Variants in OXNAD1 observed in about 807,000 individuals in gnomAD.
OXNAD1 encodes oxidoreductase NAD-binding domain-containing protein 1.
OXNAD1 carries 34 observed loss-of-function variants against 32.9 expected under a neutral mutation model. That is an observed-to-expected ratio of 1.03 (90% CI 0.79 to 1.38). OXNAD1 has a LOEUF of 1.38. OXNAD1 is among the 40% of genes most tolerant of loss of function. The pLI, the probability that OXNAD1 is intolerant of heterozygous loss-of-function variation, is 0.00. For synonymous variants in OXNAD1, 134 were observed against 135.2 expected, an observed-to-expected ratio of 0.99 and a Z score of 0.06; for missense variants, 407 against 379.4, an observed-to-expected ratio of 1.07 and a Z score of -0.60.
Position 16,344,873 on chromosome 3 carries a change from A to AC in OXNAD1, c.*31-4297dup, listed in dbSNP as rs1180304155. 6.6e-6 allele frequency among the ~76,000 whole-genome samples: 1 copy of AC among 151,944 alleles called. No individual in the cohort carries two copies. The highest frequency in any genetic ancestry group is 1.5e-5 in the Non-Finnish European group (1 of 67,976). ...TGAGTGAACACATAACTACAAGAAC[A>AC]CCCCCCAACCTTTTATGCTCACTGA... On this transcript the variant is annotated intron_variant, in intron 9 of 9. Coordinates refer to the OXNAD1 transcript ENST00000606098. The surrounding 1 kb of genome is among the most constrained non-coding windows in gnomAD (Gnocchi z 4.4).
rs1489806512 is a variant in OXNAD1 at position 16,335,916 on chromosome 3, C to A, written c.*31-1196C>A. Among the ~76,000 whole-genome samples, 1 of 152,170 alleles carries A rather than the reference C, an allele frequency of 6.6e-6. No homozygotes were observed. Among genetic ancestry groups the A allele is most frequent in the Non-Finnish European group, 1.5e-5 (1 of 68,028 alleles). ...CAGGACTCCGCAGGAGGGAAGTGGCCGACAGCAAGGACTGGTGGCAGCTGC... is the reference window on the plus strand; with the variant it reads ...CAGGACTCCGCAGGAGGGAAGTGGCAGACAGCAAGGACTGGTGGCAGCTGC... On this transcript the variant is annotated intron_variant, in intron 9 of 9. Coordinates refer to the OXNAD1 transcript ENST00000435829. The surrounding 1 kb of genome is among the most constrained non-coding windows in gnomAD (Gnocchi z 4.7).
chr3:16,278,819 TG>T (rs2065539969), intron 4 of OXNAD1, among the ~76,000 whole-genome samples: 1 of 152,220 alleles, frequency 6.6e-6, no homozygotes, highest in African/African-American at 2.4e-5. Flanking sequence ...CAGATGCCTT[TG>T]GGGATCCTAC....
intron 2 of OXNAD1, among the ~76,000 whole-genome samples, chr3:16,270,598 GA>G (rs2064854137): frequency 6.6e-6 from 1 of 152,294 alleles, no homozygotes; most frequent in Middle Eastern, 3.4e-3. Flanking sequence ...TCTTCAGGTA[GA>G]ATACAATTAT....
At chr3:16,313,878 C>CT (rs1321994807) in intron 9 of OXNAD1, among the ~76,000 whole-genome samples, 33 of 152,280 alleles carry the variant, frequency 2.2e-4, no homozygotes, top group African/African-American at 7.9e-4. Context: ...CACTTCAGAG[C>CT]AATGCACCTG....
Position 16,289,365 on chromosome 3 carries a change from T to C in OXNAD1, c.290+2917T>C, listed in dbSNP as rs1245883134. On this transcript the variant is annotated intron_variant, in intron 5 of 8. Coordinates refer to ENST00000285083, the MANE Select transcript of OXNAD1 (RefSeq NM_138381.5). This position sits in a 1 kb window ranked among gnomAD's most constrained non-coding sequence, Gnocchi z 4.9. ...AGTACTCAATCCACACTTGGCTGGG[T>C]ATAGCTTGCCTCCTGAGGGGAAGTA... Among the ~76,000 whole-genome samples, 2 of 152,100 alleles carry C rather than the reference T, an allele frequency of 1.3e-5. No individual in the cohort carries two copies. Among genetic ancestry groups the C allele is most frequent in the African/African-American group, 2.4e-5 (1 of 41,394 alleles).
At position 16,301,637 on chromosome 3, in the gene OXNAD1, C is replaced by G; in HGVS notation, c.444C>G (p.Asp148Glu). Residue 148 changes from aspartate (D) to glutamate (E), a missense_variant, in exon 7 of 9, where the codon GAC (aspartate) becomes GAG (glutamate). Asp to Glu is a conservative substitution (Grantham distance 45, BLOSUM62 2). Transcript: ENST00000285083. The surrounding 1 kb of genome is among the most constrained non-coding windows in gnomAD (Gnocchi z 4.1). ...CTTTCCTGCCTTAGTGTACACTTGA[C>G]TGTGAAGTGGCTGTGAGAGTGGGTG... ...ALWVHNTCTL[D>E]CEVAVRVGGE... is the part of the protein sequence containing the mutation. The G allele has an allele frequency of 2.5e-6, 4 of 1,613,948 alleles. No individual in the cohort carries two copies. The highest frequency in any genetic ancestry group is 3.4e-6 in the Non-Finnish European group (4 of 1,179,924).
At chr3:16,338,862 G>A (rs1282082575), downstream of OXNAD1, among the ~76,000 whole-genome samples, 4 of 152,190 alleles carry the variant, frequency 2.6e-5, no homozygotes, top group Admixed American at 2.0e-4. The surrounding 1 kb of genome is among the most constrained non-coding windows in gnomAD (Gnocchi z 5.3). Flanking sequence ...TGGGGAGAGA[G>A]CCAGTCTGTC....
In OXNAD1 at chr3:16,297,584, C is replaced by T. The variant is rs2066887474; in HGVS notation, c.432+2587C>T. On this transcript the variant is annotated intron_variant, in intron 6 of 8. Transcript: ENST00000285083. This position sits in a 1 kb window ranked among gnomAD's most constrained non-coding sequence, Gnocchi z 4.3. Reference sequence around the variant, plus strand: ...TTCTATTCATAATTATTAAAAACTTCTAGAAACAACCCAAATGTCCCTCAG... The same window carrying T: ...TTCTATTCATAATTATTAAAAACTTTTAGAAACAACCCAAATGTCCCTCAG... Among the ~76,000 whole-genome samples the T allele has an allele frequency of 1.3e-5, 2 of 152,174 alleles. No individual in the cohort carries two copies. Among genetic ancestry groups the T allele is most frequent in the African/African-American group, 4.8e-5 (2 of 41,434 alleles).
rs1159463235 is a variant in OXNAD1 at position 16,298,475 on chromosome 3, T to TG, written c.433-3150dup. 2.0e-5 allele frequency among the ~76,000 whole-genome samples: 3 copies of TG among 152,176 alleles called. No homozygotes were observed. The highest frequency in any genetic ancestry group is 6.5e-5 in the Admixed American group (1 of 15,270). On this transcript the variant is annotated intron_variant, in intron 6 of 8. Coordinates refer to ENST00000285083, the MANE Select transcript of OXNAD1 (RefSeq NM_138381.5). This position sits in a 1 kb window ranked among gnomAD's most constrained non-coding sequence, Gnocchi z 5.1. ...TAGAAAATCTCAAAGTGTTATTGCC[T>TG]GAATGCACATCCTAATTGTAGTGCC...
rs771320467 is a variant in OXNAD1, at chr3:16,334,603, G to T, written c.*31-2509G>T. On this transcript the variant is annotated intron_variant, in intron 9 of 9. Coordinates refer to the OXNAD1 transcript ENST00000435829. This position sits in a 1 kb window ranked among gnomAD's most constrained non-coding sequence, Gnocchi z 4.3. ...TCATGTGTTGAGCCGGGGCATACAG[G>T]ATGAAGAGGGACAATGAGAGGGAAT... Among the ~76,000 whole-genome samples the T allele has an allele frequency of 1.3e-5, 2 of 152,188 alleles. No individual in the cohort carries two copies. Among genetic ancestry groups the T allele is most frequent in the Non-Finnish European group, 2.9e-5 (2 of 68,032 alleles).
chr3:16,298,961 T>C lies in OXNAD1; in HGVS notation c.433-2665T>C, dbSNP rs1233585903. 1.3e-5 allele frequency among the ~76,000 whole-genome samples: 2 copies of C among 152,218 alleles called. No homozygotes were observed. Among genetic ancestry groups the C allele is most frequent in the Non-Finnish European group, 2.9e-5 (2 of 68,040 alleles). On this transcript the variant is annotated intron_variant, in intron 6 of 8. Coordinates refer to ENST00000285083, the MANE Select transcript of OXNAD1 (RefSeq NM_138381.5). The surrounding 1 kb of genome is among the most constrained non-coding windows in gnomAD (Gnocchi z 5.1). ...CAAAAAGACAAAGATGGCTTTTAAT[T>C]CTTCCCGGATGCTACCAAATCAGAA... is the stretch of plus-strand genomic sequence containing the variant.
rs1443177117 is a variant in OXNAD1 at position 16,299,843 on chromosome 3, G to A, written c.433-1783G>A. ...CTAGAATCTGTTTTTTAGTGACAGGGAAGAAGGAAGCTGGTATTGCCAGCA... is the reference window on the plus strand; with the variant it reads ...CTAGAATCTGTTTTTTAGTGACAGGAAAGAAGGAAGCTGGTATTGCCAGCA... On this transcript the variant is annotated intron_variant, in intron 6 of 8. Transcript: ENST00000285083. This position sits in a 1 kb window ranked among gnomAD's most constrained non-coding sequence, Gnocchi z 4.4. 6.6e-6 allele frequency among the ~76,000 whole-genome samples: 1 copy of A among 152,230 alleles called. No homozygotes were observed. The highest frequency in any genetic ancestry group is 1.5e-5 in the Non-Finnish European group (1 of 68,034).
rs559188796 is a variant in OXNAD1 at position 16,336,507 on chromosome 3, G to C, written c.*31-605G>C. The stretch of plus-strand genomic sequence containing the variant: ...CTCTGCGGGAGGGAGGGACAGGCAC[G>C]CTGGCCGGCTAGAGATGTTGTTTTC... On this transcript the variant is annotated intron_variant, in intron 9 of 9. Transcript: ENST00000435829. The surrounding 1 kb of genome is among the most constrained non-coding windows in gnomAD (Gnocchi z 6.0). Among the ~76,000 whole-genome samples the C allele has an allele frequency of 3.4e-4, 52 of 152,314 alleles. No individual in the cohort carries two copies. The highest frequency in any genetic ancestry group is 1.2e-3 in the African/African-American group (49 of 41,564).
Position 16,303,677 on chromosome 3 carries a change from C to A in OXNAD1, c.*115C>A. The stretch of plus-strand genomic sequence containing the variant: ...ACTTGAGTTGTCTTATTTTTTAAGG[C>A]TATAAACTTAGTGACCAGCTGGATA... On this transcript the variant is annotated 3_prime_UTR_variant, in exon 9 of 9. Transcript: ENST00000285083. The surrounding 1 kb of genome is among the most constrained non-coding windows in gnomAD (Gnocchi z 4.8). The A allele has an allele frequency of 8.5e-7, 1 of 1,183,410 alleles. No homozygotes were observed. Among genetic ancestry groups the A allele is most frequent in the Non-Finnish European group, 1.1e-6 (1 of 885,984 alleles). 73.3% of individuals were successfully genotyped at this position (1,183,410 alleles called of 1,614,324 possible).
At chr3:16,269,350 G>T in intron 2 of OXNAD1, 75 bp downstream of exon 2, 1 of 1,468,650 alleles carries the variant, frequency 6.8e-7, no homozygotes, top group Non-Finnish European at 9.2e-7. Context: ...GAAAAACTAC[G>T]TTTAGTGGTC....
At chr3:16,272,214 C>T (rs2064995824) in intron 4 of OXNAD1, 1 of 441,028 alleles carries the variant, frequency 2.3e-6, no homozygotes, top group African/African-American at 2.0e-5. Flanking sequence ...TCTTGTTACC[C>T]TTCTAATGTA....
At chr3:16,268,492 G>C (rs1354006095) in intron 1 of OXNAD1, among the ~76,000 whole-genome samples, 1 of 151,628 alleles carries the variant, frequency 6.6e-6, no homozygotes, top group African/African-American at 2.4e-5. Flanking sequence ...ACCACACCTA[G>C]CTAATTTTTT....
intron 9 of OXNAD1, among the ~76,000 whole-genome samples, chr3:16,343,926 G>C (rs2071475143): frequency 6.6e-6 from 1 of 152,208 alleles, no homozygotes; most frequent in Non-Finnish European, 1.5e-5. Flanking sequence ...GGTGGCATTA[G>C]GGTTGGGCTG....
chr3:16,347,779 C>T (rs1201185179), intron 9 of OXNAD1: 1 of 152,198 alleles, frequency 6.6e-6, no homozygotes, highest in East Asian at 1.9e-4. Context: ...TATTATAAAG[C>T]CTCCAATAAC....
Sources: allele counts gnomAD v4.1 joint callset (sites outside exome capture counted in the v4.1 genomes callset), GRCh38; gene constraint gnomAD v4.1.1; non-coding constraint Gnocchi (gnomAD v3.1); transcripts MANE v1.5; gene names NCBI Gene and HGNC (gene_info 2026-07-23, HGNC 2026-07-21).